PRKG1: variants seen among roughly 807,000 people sequenced by gnomAD.
PRKG1 encodes the protein cGMP-dependent protein kinase 1.
PRKG1 carries 35 observed loss-of-function variants against 88.1 expected under a neutral mutation model. That is an observed-to-expected ratio of 0.40 (90% CI 0.30 to 0.53). The LOEUF (loss-of-function observed/expected upper bound fraction) is 0.53. Among genes scored for constraint, PRKG1 ranks in the 20% least tolerant of loss-of-function variants. The pLI is 0.59. For synonymous variants in PRKG1, 303 were observed against 292.5 expected (o/e 1.04, Z -0.37); for missense variants, 540 against 839.8 (o/e 0.64, Z 4.41).
At chr10:52,266,845 C>G (rs1164617236) in intron 10 of PRKG1, among the ~76,000 whole-genome samples, 11 of 151,970 alleles carry the variant, frequency 7.2e-5, no homozygotes, top group Non-Finnish European at 1.5e-4. Flanking sequence ...ACACTCTCAA[C>G]CAGTGCATTA....
chr10:51,748,028 C>T (rs1219386092), intron 3 of PRKG1, among the ~76,000 whole-genome samples: 1 of 152,168 alleles, frequency 6.6e-6, no homozygotes, highest in African/African-American at 2.4e-5. Flanking sequence ...TCCTGACCTT[C>T]AGTACTATTG....
At chr10:52,279,029 G>A (rs1329298793) in intron 12 of PRKG1, among the ~76,000 whole-genome samples, 2 of 151,940 alleles carry the variant, frequency 1.3e-5, no homozygotes, top group Non-Finnish European at 2.9e-5. Flanking sequence ...TTCATAGATA[G>A]CAGTGTAGCT....
At chr10:51,007,755 G>A (rs1288953411) in intron 1 of PRKG1, among the ~76,000 whole-genome samples, 2 of 152,218 alleles carry the variant, frequency 1.3e-5, no homozygotes, top group Non-Finnish European at 2.9e-5. Context: ...TAATATTAGT[G>A]TTTTGGAGAC....
intron 1 of PRKG1, among the ~76,000 whole-genome samples, chr10:51,031,439 T>C (rs1472480511): frequency 2.6e-5 from 4 of 152,176 alleles, no homozygotes; most frequent in African/African-American, 9.6e-5. Context: ...TCTCAACAAA[T>C]GCTTTAGAAT....
chr10:51,294,438 T>C (rs1344320078), intron 2 of PRKG1, among the ~76,000 whole-genome samples: 1 of 152,070 alleles, frequency 6.6e-6, no homozygotes, highest in East Asian at 1.9e-4. Flanking sequence ...TGGTTGGACA[T>C]ACTGTTTTCC....
intron 10 of PRKG1, among the ~76,000 whole-genome samples, chr10:52,261,964 G>A (rs149243535): frequency 6.6e-6 from 1 of 152,100 alleles, no homozygotes; most frequent in African/African-American, 2.4e-5. Flanking sequence ...ACTTTAGTTG[G>A]CCATGTCCAA....
intron 3 of PRKG1, among the ~76,000 whole-genome samples, chr10:51,768,663 G>A (rs771137364): frequency 6.6e-6 from 1 of 151,964 alleles, no homozygotes; most frequent in Non-Finnish European, 1.5e-5. Context: ...ACATATCCTC[G>A]TCAGATAACC....
intron 3 of PRKG1, among the ~76,000 whole-genome samples, chr10:51,529,816 A>G (rs1382566425): frequency 6.6e-6 from 1 of 152,172 alleles, no homozygotes; most frequent in Admixed American, 6.5e-5. Context: ...TCATATGTAA[A>G]AGCACTTTAT....
intron 3 of PRKG1, among the ~76,000 whole-genome samples, chr10:51,649,063 A>G (rs2132310106): frequency 6.6e-6 from 1 of 152,334 alleles, no homozygotes; most frequent in Non-Finnish European, 1.5e-5. Flanking sequence ...TAAAGTATCT[A>G]TAGAAGGCCT....
At position 51,431,484 on chromosome 10, in the gene PRKG1, G is replaced by A. The variant is rs941804120; in HGVS notation, c.479-36239G>A. ...TCAGTTGTCTGATACCTGGCCCTGTGTTGATTTAGGGCAGGAAGAATATTG... is the reference window on the plus strand; with the variant it reads ...TCAGTTGTCTGATACCTGGCCCTGTATTGATTTAGGGCAGGAAGAATATTG... On this transcript the variant is annotated intron_variant, in intron 2 of 17. Coordinates refer to ENST00000373980, the MANE Select transcript of PRKG1 (RefSeq NM_006258.4). Among the ~76,000 whole-genome samples the A allele has an allele frequency of 7.9e-5, 12 of 152,186 alleles. No homozygotes were observed. In the East Asian group the frequency reaches 2.3e-3, roughly 29 times the overall value.
chr10:51,024,453 C>A lies in PRKG1; in HGVS notation c.266+32809C>A, dbSNP rs868715851. Among the ~76,000 whole-genome samples the A allele has an allele frequency of 1.8e-4, 27 of 152,060 alleles. 1 individual carries two copies. The highest frequency in any genetic ancestry group is 6.2e-4 in the South Asian group (3 of 4,810). On this transcript the variant is annotated intron_variant, in intron 1 of 17. Transcript: ENST00000401604. The stretch of plus-strand genomic sequence containing the variant: ...TTGTACTAAGTTCTACGTACTTGAC[C>A]TAGATATTATTTCATTTGATGTTTA...
In PRKG1 at chr10:51,098,870, G is replaced by A. The variant is rs78528324; in HGVS notation, c.311+23969G>A. On this transcript the variant is annotated intron_variant, in intron 1 of 17. Transcript: ENST00000373980. ...CTCTTCTTTAGCGAACTTTCCCTGG[G>A]TAACTGATGGTTTTTCAGACATCAA... is the stretch of plus-strand genomic sequence containing the variant. Among the ~76,000 whole-genome samples the A allele has an allele frequency of 9.6e-3, 1,468 of 152,188 alleles. 26 individuals are homozygous for A. The highest frequency in any genetic ancestry group is 0.034 in the African/African-American group (1,400 of 41,520).
intron 3 of PRKG1, among the ~76,000 whole-genome samples, chr10:51,509,529 C>A (rs1841329471): frequency 1.3e-5 from 2 of 152,126 alleles, no homozygotes; most frequent in African/African-American, 4.8e-5. Context: ...ACTAATATCT[C>A]TTTTCTTTTT....
At chr10:52,266,105 A>T (rs568126686) in intron 10 of PRKG1, among the ~76,000 whole-genome samples, 1 of 152,084 alleles carries the variant, frequency 6.6e-6, no homozygotes, top group East Asian at 1.9e-4. Context: ...GAAAATTCCT[A>T]TATACGCTGA....
At chr10:51,482,855 A>G (rs541895150) in intron 3 of PRKG1, among the ~76,000 whole-genome samples, 1 of 152,300 alleles carries the variant, frequency 6.6e-6, no homozygotes, top group African/African-American at 2.4e-5. Context: ...CAGGTAATAT[A>G]TGTCAAATGT....
intron 3 of PRKG1, among the ~76,000 whole-genome samples, chr10:51,681,050 G>C (rs1316691638): frequency 6.6e-6 from 1 of 152,156 alleles, no homozygotes; most frequent in African/African-American, 2.4e-5. Flanking sequence ...CTACAAATCA[G>C]TGATGACATT....
At chr10:51,963,120 A>C (rs1222500472) in intron 5 of PRKG1, among the ~76,000 whole-genome samples, 1 of 152,202 alleles carries the variant, frequency 6.6e-6, no homozygotes, top group Non-Finnish European at 1.5e-5. Context: ...AAGGTAAAAA[A>C]AATTAACTGG....
upstream of PRKG1, among the ~76,000 whole-genome samples, chr10:51,071,570 A>G (rs542530492): frequency 1.6e-3 from 243 of 152,336 alleles, 1 homozygote; most frequent in Non-Finnish European, 1.7e-3. Context: ...CAGATTTTAT[A>G]TCATGAGATG....
At position 52,295,760 on chromosome 10, in the gene PRKG1, G is replaced by T. The variant is rs1000632155; in HGVS notation, c.*1860G>T. The T allele has an allele frequency of 2.0e-5, 3 of 151,692 alleles. No homozygotes were observed. Among genetic ancestry groups the T allele is most frequent in the Non-Finnish European group, 2.9e-5 (2 of 67,856 alleles). The allele number at this position is 151,692 out of a possible 1,614,324, so 9.4% of individuals were successfully genotyped here. ...AAATCTTATAAATTTTGCTTGAATTGTTCTTACTCAAAACTACCTTAGAAT... is the reference window on the plus strand; with the variant it reads ...AAATCTTATAAATTTTGCTTGAATTTTTCTTACTCAAAACTACCTTAGAAT... On this transcript the variant is annotated 3_prime_UTR_variant, in exon 18 of 18. Coordinates refer to ENST00000373980, the MANE Select transcript of PRKG1 (RefSeq NM_006258.4).
Sources: gnomAD v4.1 joint callset for allele counts (sites outside exome capture counted in the v4.1 genomes callset) on GRCh38, gnomAD v4.1.1 for gene constraint, MANE v1.5 for transcripts, NCBI Gene and HGNC (gene_info 2026-07-23, HGNC 2026-07-21) for gene names.